Variants in NCAPH2 observed in about 807,000 individuals in gnomAD.
NCAPH2 encodes non-SMC condensin II complex subunit H2, also known as condensin-2 complex subunit H2.
In NCAPH2, 56 loss-of-function variants were observed where a neutral mutation model predicts 88.6. The observed-to-expected ratio is 0.63, with a 90% CI of 0.51 to 0.79. The LOEUF is 0.79. NCAPH2 is among the 30% of genes least tolerant of loss of function. The pLI, the probability that NCAPH2 is intolerant of heterozygous loss-of-function variation, is 0.00. For synonymous variants in NCAPH2, 378 were observed against 313.6 expected (o/e 1.21, Z -2.17); for missense variants, 794 against 792.0 (o/e 1.00, Z -0.03).
chr22:50,520,708 G>A (rs570486269), intron 9 of NCAPH2: 13 of 427,224 alleles, frequency 3.0e-5, no homozygotes, highest in African/African-American at 6.1e-5. Context: ...ACAGGTGTGC[G>A]CCACCACACC....
rs750730829 is a variant in NCAPH2, at chr22:50,524,223, G to C, written c.*848G>C. The C allele has an allele frequency of 1.2e-6, 2 of 1,607,988 alleles. No individual in the cohort carries two copies. Among genetic ancestry groups the C allele is most frequent in the East Asian group, 2.2e-5 (1 of 44,880 alleles). On this transcript the variant is annotated 3_prime_UTR_variant, in exon 20 of 20. Transcript: ENST00000420993. ...CGAGTCCAGCCCCGAACAGGCCTGT[G>C]ATCAGCAGCCGGGTTCGAAGCCCAG...
rs913724946 is a variant in NCAPH2, at chr22:50,518,114, C to T, written c.501-19C>T. The T allele has an allele frequency of 6.8e-6, 11 of 1,613,590 alleles. No individual in the cohort carries two copies. Among genetic ancestry groups the T allele is most frequent in the East Asian group, 4.5e-5 (2 of 44,878 alleles). On this transcript the variant is annotated intron_variant, in intron 6 of 19. Transcript: ENST00000420993. ...GCCTGGGAAGGGTCTCTACAGCAGG[C>T]GTGTTTTTGCCAGCACAGCCGTCAG...
chr22:50,524,027 C>A lies in NCAPH2; in HGVS notation c.*652C>A. The A allele has an allele frequency of 3.1e-6, 5 of 1,613,576 alleles. No individual in the cohort carries two copies. In the South Asian group the frequency reaches 5.5e-5, roughly 18 times the overall value. ...CAGATGTCAGGGCAGTGAGTGAAGC[C>A]AAAGTACATCAGCACCCACTGGCCC... On this transcript the variant is annotated 3_prime_UTR_variant, in exon 20 of 20. Transcript: ENST00000420993.
At chr22:50,514,592 G>A (rs958180374) in intron 1 of NCAPH2, among the ~76,000 whole-genome samples, 1 of 152,236 alleles carries the variant, frequency 6.6e-6, no homozygotes, top group Non-Finnish European at 1.5e-5. Context: ...GAGTGGGCAA[G>A]CCAGCCAGGC....
At chr22:50,508,815 G>C (rs757209208) in intron 1 of NCAPH2, among the ~76,000 whole-genome samples, 4 of 152,214 alleles carry the variant, frequency 2.6e-5, no homozygotes, top group Non-Finnish European at 5.9e-5. Context: ...GATGTCAGAG[G>C]AATTTTTTAT....
chr22:50,508,244 A>G lies in NCAPH2; in HGVS notation c.-94A>G. 1.0e-5 allele frequency: 10 copies of G among 967,296 alleles called. No individual in the cohort carries two copies. Among genetic ancestry groups the G allele is most frequent in the Non-Finnish European group, 1.5e-5 (10 of 678,954 alleles). The allele number at this position is 967,296 out of a possible 1,614,324, so 59.9% of individuals were successfully genotyped here. On this transcript the variant is annotated 5_prime_UTR_variant, in exon 1 of 20. Transcript: ENST00000420993. ...CCTACGCATTTTCCTGGGCGGGAAC[A>G]GCAAAATGGCGCCAGAACTAGTGGC...
At position 50,518,897 on chromosome 22, in the gene NCAPH2, C is replaced by T. The variant is rs374070377; in HGVS notation, c.730+165C>T. On this transcript the variant is annotated intron_variant, in intron 8 of 19. Transcript: ENST00000420993. ...CTCGCCCCGGGGAAGCAGCCACAGC[C>T]CCCGGTGAGCCTCAGCCCATCTTGG... Among the ~76,000 whole-genome samples the T allele has an allele frequency of 3.0e-4, 45 of 152,276 alleles. No homozygotes were observed. In the East Asian group the frequency reaches 6.6e-3, roughly 22 times the overall value.
In NCAPH2 at chr22:50,524,023, AAG is replaced by A; in HGVS notation, c.*649_*650del. 6.2e-7 allele frequency: 1 copy of A among 1,613,578 alleles called. No homozygotes were observed. The highest frequency in any genetic ancestry group is 1.3e-5 in the African/African-American group (1 of 75,040). On this transcript the variant is annotated 3_prime_UTR_variant, in exon 20 of 20. Transcript: ENST00000420993. ...TGGGCAGATGTCAGGGCAGTGAGTG[AAG>A]CCAAAGTACATCAGCACCCACTGGC...
chr22:50,510,301 G>T (rs2068750176), intron 1 of NCAPH2, among the ~76,000 whole-genome samples: 1 of 152,132 alleles, frequency 6.6e-6, no homozygotes, highest in African/African-American at 2.4e-5. Context: ...GGATCTTACT[G>T]TGTTGCCCAG....
chr22:50,508,461 GAGT>G lies in NCAPH2; in HGVS notation c.108+17_108+19del. ...TCTGGAGGAGGTAAGGGCGGCGGGG[GAGT>G]GACGCGGGGTGGGCCGGCGGGTGGG... On this transcript the variant is annotated intron_variant, in intron 1 of 19. Coordinates refer to ENST00000420993, the MANE Select transcript of NCAPH2 (RefSeq NM_152299.4). 1 of 945,596 alleles carries G rather than the reference GAGT, an allele frequency of 1.1e-6. No homozygotes were observed. Among genetic ancestry groups the G allele is most frequent in the South Asian group, 1.9e-5 (1 of 53,552 alleles). 58.6% of individuals were successfully genotyped at this position (945,596 alleles called of 1,614,324 possible). A position where few individuals can be genotyped will look rare whatever the true frequency, so the allele number is the denominator to read the frequency against.
chr22:50,511,285 C>CTTTTTTTTTT (rs910583115), intron 1 of NCAPH2, among the ~76,000 whole-genome samples: 1 of 109,670 alleles, frequency 9.1e-6, no homozygotes, highest in African/African-American at 5.1e-5. Flanking sequence ...GCCTCAGCCT[C>CTTTTTTTTTT]TTTTTTTTTT....
intron 16 of NCAPH2, 37 bp from the exon 17 acceptor site, chr22:50,522,633 GC>G (rs750505551): frequency 1.2e-6 from 2 of 1,613,530 alleles, no homozygotes; most frequent in South Asian, 2.2e-5. Flanking sequence ...GGAGAGCGTG[GC>G]CCCTTAGCTG....
Position 50,519,225 on chromosome 22 carries a change from G to A in NCAPH2, c.766G>A (p.Gly256Ser), listed in dbSNP as rs2069014294. 6.2e-7 allele frequency: 1 copy of A among 1,610,754 alleles called. No individual in the cohort carries two copies. The highest frequency in any genetic ancestry group is 8.5e-7 in the Non-Finnish European group (1 of 1,179,102). ...SPEGPMPLGG[G>S]EDEDAEEAVE... ...AGAAGGCCCGATGCCCCTGGGTGGGGGCGAGGACGAGGATGCAGAGGAGGC... is the reference window on the plus strand; with the variant it reads ...AGAAGGCCCGATGCCCCTGGGTGGGAGCGAGGACGAGGATGCAGAGGAGGC... Residue 256 changes from glycine to serine, a missense_variant, in exon 9 of 20, where the codon GGC (glycine) becomes AGC (serine). Transcript: ENST00000420993.
chr22:50,523,931 G>A lies in NCAPH2; in HGVS notation c.*556G>A. The A allele has an allele frequency of 6.2e-7, 1 of 1,612,808 alleles. No homozygotes were observed. Among genetic ancestry groups the A allele is most frequent in the Non-Finnish European group, 8.5e-7 (1 of 1,179,200 alleles). ...GGGTCCACAGTGATGAAGACAGGCT[G>A]CACTGGAGGCAAACCAGGCTCTGCT... is the stretch of plus-strand genomic sequence containing the variant. On this transcript the variant is annotated 3_prime_UTR_variant, in exon 20 of 20. Coordinates refer to ENST00000420993, the MANE Select transcript of NCAPH2 (RefSeq NM_152299.4).
In NCAPH2 at chr22:50,524,703, A is replaced by C; in HGVS notation, c.*1328A>C. 1 of 640,268 alleles carries C rather than the reference A, an allele frequency of 1.6e-6. No homozygotes were observed. Among genetic ancestry groups the C allele is most frequent in the Non-Finnish European group, 3.0e-6 (1 of 335,710 alleles). 39.7% of individuals were successfully genotyped at this position (640,268 alleles called of 1,614,324 possible). A position where few individuals can be genotyped will look rare whatever the true frequency, so the allele number is the denominator to read the frequency against. Reference sequence around the variant, plus strand: ...CCTCAGCAAGGTGAACCTCTTGCTGACGGAAAGCATTCCAAGTGCATGCCT... The same window carrying C: ...CCTCAGCAAGGTGAACCTCTTGCTGCCGGAAAGCATTCCAAGTGCATGCCT... On this transcript the variant is annotated 3_prime_UTR_variant, in exon 20 of 20. Coordinates refer to ENST00000420993, the MANE Select transcript of NCAPH2 (RefSeq NM_152299.4).
chr22:50,511,988 A>T (rs976470507), intron 1 of NCAPH2, among the ~76,000 whole-genome samples: 1 of 152,072 alleles, frequency 6.6e-6, no homozygotes, highest in African/African-American at 2.4e-5. Flanking sequence ...GGGTTTCACC[A>T]TGTTGGCCAG....
At position 50,523,504 on chromosome 22, in the gene NCAPH2, T is replaced by C; in HGVS notation, c.*129T>C. ...CCCTAAAAACCCTTTTATGTACACC[T>C]GCGCAGAGAAGAGGGCTGCCTGGCC... On this transcript the variant is annotated 3_prime_UTR_variant, in exon 20 of 20. Transcript: ENST00000420993. The C allele has an allele frequency of 3.2e-6, 5 of 1,545,656 alleles. No individual in the cohort carries two copies. The highest frequency in any genetic ancestry group is 4.4e-6 in the Non-Finnish European group (5 of 1,141,142).
rs1212227946 is a variant in NCAPH2 at position 50,519,221 on chromosome 22, T to TG, written c.767dup (p.Glu257ArgfsTer13). ...CTCCAGAAGGCCCGATGCCCCTGGG[T>TG]GGGGGCGAGGACGAGGATGCAGAGG... is the stretch of plus-strand genomic sequence containing the variant. On this transcript the variant is annotated frameshift_variant, in exon 9 of 20. Coordinates refer to ENST00000420993, the MANE Select transcript of NCAPH2 (RefSeq NM_152299.4). LOFTEE classifies it high-confidence loss of function. 6.2e-6 allele frequency: 10 copies of TG among 1,610,498 alleles called. No homozygotes were observed.
In NCAPH2 at chr22:50,523,864, TC is replaced by T. The variant is rs1261702551; in HGVS notation, c.*491del. 1 of 1,613,930 alleles carries T rather than the reference TC, an allele frequency of 6.2e-7. No individual in the cohort carries two copies. Among genetic ancestry groups the T allele is most frequent in the East Asian group, 2.2e-5 (1 of 44,878 alleles). On this transcript the variant is annotated 3_prime_UTR_variant, in exon 20 of 20. Transcript: ENST00000420993. Reference sequence around the variant, plus strand: ...CAGACCCAACAGTCTTGGGTGGAAGTCCTGGACGTAGCGGGCCATGGCTTCA... The same window carrying T: ...CAGACCCAACAGTCTTGGGTGGAAGTCTGGACGTAGCGGGCCATGGCTTCA...
Sources: allele counts gnomAD v4.1 joint callset (sites outside exome capture counted in the v4.1 genomes callset), GRCh38; gene constraint gnomAD v4.1.1; transcripts MANE v1.5; gene names NCBI Gene and HGNC (gene_info 2026-07-23, HGNC 2026-07-21).